The following TBC1D1 variants were observed in gnomAD, a reference collection of about 807,000 sequenced individuals.
TBC1D1 encodes TBC1 domain family member 1, also known as TBC1 (tre-2/USP6, BUB2, cdc16) domain family, member 1.
In TBC1D1, 89 loss-of-function variants were observed where a neutral mutation model predicts 125.6. The observed-to-expected ratio is 0.71, with a 90% CI of 0.60 to 0.85. The LOEUF (loss-of-function observed/expected upper bound fraction) is 0.85, where lower values mean the gene tolerates loss of function less well. Ranked by LOEUF, TBC1D1 falls within the 40% of genes least tolerant of loss-of-function variation. TBC1D1 has a pLI of 0.00. For synonymous variants in TBC1D1, 565 were observed against 564.1 expected, an observed-to-expected ratio of 1.00 and a Z score of -0.02; for missense variants, 1,377 against 1,469.2, an observed-to-expected ratio of 0.94 and a Z score of 1.03.
chr4:38,075,708 T>C (rs1755471120), intron 12 of TBC1D1, among the ~76,000 whole-genome samples: 1 of 152,130 alleles, frequency 6.6e-6, no homozygotes, highest in Admixed American at 6.5e-5. Flanking sequence ...CACAGATGCA[T>C]GAGAGGAGGG....
chr4:38,072,896 C>T (rs969799690), intron 12 of TBC1D1, among the ~76,000 whole-genome samples: 1 of 152,182 alleles, frequency 6.6e-6, no homozygotes, highest in Non-Finnish European at 1.5e-5. Context: ...GTTTATTTCG[C>T]TTAGCATAAT....
intron 2 of TBC1D1, among the ~76,000 whole-genome samples, chr4:37,903,024 C>T (rs59899255): frequency 0.015 from 2,235 of 152,294 alleles, 46 homozygotes; most frequent in African/African-American, 0.051. Context: ...TATAGTCATT[C>T]GTAAACTGTG....
intron 17 of TBC1D1, among the ~76,000 whole-genome samples, chr4:38,122,014 A>G (rs1171012019): frequency 6.6e-6 from 1 of 152,074 alleles, no homozygotes; most frequent in Non-Finnish European, 1.5e-5. Context: ...GTGCACCCAA[A>G]TGATCTCCCG....
intron 11 of TBC1D1, chr4:38,051,992 G>C (rs747482887): frequency 5.2e-6 from 8 of 1,550,860 alleles, no homozygotes; most frequent in Non-Finnish European, 7.0e-6. Flanking sequence ...CCGCCTCCTC[G>C]CCAAACTTTT....
chr4:37,934,407 T>G (rs1723944623), intron 2 of TBC1D1, among the ~76,000 whole-genome samples: 1 of 151,984 alleles, frequency 6.6e-6, no homozygotes, highest in Admixed American at 6.5e-5. Context: ...TAGCCAGAAA[T>G]GTATCCACGA....
intron 2 of TBC1D1, among the ~76,000 whole-genome samples, chr4:37,928,276 T>C (rs1171292391): frequency 6.6e-6 from 1 of 152,266 alleles, no homozygotes; most frequent in Non-Finnish European, 1.5e-5. Flanking sequence ...ATGCATTTTA[T>C]AATATGGTAT....
At chr4:38,030,880 C>A (rs1745988380) in intron 7 of TBC1D1, among the ~76,000 whole-genome samples, 1 of 151,892 alleles carries the variant, frequency 6.6e-6, no homozygotes, top group South Asian at 2.1e-4. Context: ...AATATTAAAT[C>A]AAAAAATGGA....
In TBC1D1 at chr4:37,995,317, T is replaced by A. The variant is rs143058672; in HGVS notation, c.418-19192T>A. Among the ~76,000 whole-genome samples, 1 of 152,248 alleles carries A rather than the reference T, an allele frequency of 6.6e-6. No individual in the cohort carries two copies. Among genetic ancestry groups the A allele is most frequent in the Admixed American group, 6.5e-5 (1 of 15,292 alleles). ...CTTCGTTGTCTGTGCAACTTCATAC[T>A]GTTTCATTCTTGTCCTGTATAGTAT... On this transcript the variant is annotated intron_variant, in intron 2 of 19. Coordinates refer to ENST00000261439, the MANE Select transcript of TBC1D1 (RefSeq NM_015173.4). The surrounding 1 kb of genome is among the most constrained non-coding windows in gnomAD (Gnocchi z 4.3).
intron 13 of TBC1D1, among the ~76,000 whole-genome samples, chr4:38,093,714 G>C (rs986648627): frequency 6.6e-6 from 1 of 152,022 alleles, no homozygotes; most frequent in African/African-American, 2.4e-5. Flanking sequence ...AGTAGTAGTA[G>C]TAGAGATGGG....
chr4:37,976,068 G>T (rs548948991), intron 2 of TBC1D1, among the ~76,000 whole-genome samples: 18 of 152,286 alleles, frequency 1.2e-4, no homozygotes, highest in Non-Finnish European at 2.9e-5. Flanking sequence ...AAAGTGTTGG[G>T]ATGTCACATC....
intron 2 of TBC1D1, among the ~76,000 whole-genome samples, chr4:37,954,015 T>C (rs1202639639): frequency 6.6e-6 from 1 of 152,206 alleles, no homozygotes. Flanking sequence ...AACTCTGGTC[T>C]AGAAAACAGA....
intron 17 of TBC1D1, chr4:38,120,055 G>A (rs1441930751): frequency 1.0e-6 from 1 of 985,420 alleles, no homozygotes; most frequent in Non-Finnish European, 1.2e-6. Flanking sequence ...GTAATTTGAA[G>A]CTCTCTGAAG....
chr4:38,043,317 G>C (rs114384373), intron 8 of TBC1D1, among the ~76,000 whole-genome samples: 23 of 151,982 alleles, frequency 1.5e-4, no homozygotes, highest in Non-Finnish European at 2.2e-4. Context: ...TGTACCTTCG[G>C]CTGGGTGTGG....
intron 2 of TBC1D1, among the ~76,000 whole-genome samples, chr4:37,951,550 T>C (rs1457643091): frequency 5.9e-5 from 9 of 152,328 alleles, no homozygotes; most frequent in Admixed American, 5.9e-4. Flanking sequence ...ATATCAGAAC[T>C]ACAGGCTCTT....
At chr4:37,936,703 T>C (rs1182029746) in intron 2 of TBC1D1, among the ~76,000 whole-genome samples, 1 of 152,152 alleles carries the variant, frequency 6.6e-6, no homozygotes, top group Non-Finnish European at 1.5e-5. Context: ...AACAGACTTC[T>C]GGAGAAAGAT....
intron 12 of TBC1D1, among the ~76,000 whole-genome samples, chr4:38,086,878 G>A (rs115363595): frequency 0.013 from 2,025 of 152,276 alleles, 45 homozygotes; most frequent in African/African-American, 0.046. Flanking sequence ...CCCCAGTGAG[G>A]CTTGTGCATG....
intron 1 of TBC1D1, among the ~76,000 whole-genome samples, chr4:37,895,412 C>CTTGAG (rs1445604406): frequency 6.6e-6 from 1 of 151,970 alleles, no homozygotes; most frequent in African/African-American, 2.4e-5. Flanking sequence ...AAGGACTAGC[C>CTTGAG]TTGAGTTGGC....
chr4:37,901,956 T>C lies in TBC1D1; in HGVS notation c.-93-47T>C, dbSNP rs1431767487. 7.4e-6 allele frequency: 6 copies of C among 810,968 alleles called. No individual in the cohort carries two copies. The South Asian group carries it at 7.8e-5, about 11-fold the overall frequency. 50.2% of individuals were successfully genotyped at this position (810,968 alleles called of 1,614,324 possible). A position where few individuals can be genotyped will look rare whatever the true frequency, so the allele number is the denominator to read the frequency against. On this transcript the variant is annotated intron_variant, in intron 1 of 19. Coordinates refer to ENST00000261439, the MANE Select transcript of TBC1D1 (RefSeq NM_015173.4). Reference sequence around the variant, plus strand: ...AATAATAGCCCTTTGAAGGTAGCTATTGCTATGACTTCATTAAATTCTAAT... The same window carrying C: ...AATAATAGCCCTTTGAAGGTAGCTACTGCTATGACTTCATTAAATTCTAAT...
chr4:38,072,085 T>C (rs954840114), intron 12 of TBC1D1, among the ~76,000 whole-genome samples: 2 of 152,192 alleles, frequency 1.3e-5, no homozygotes, highest in East Asian at 1.9e-4. Flanking sequence ...CTTTGTGAGA[T>C]AGGGCTAGCA....
Sources: allele counts gnomAD v4.1 joint callset (sites outside exome capture counted in the v4.1 genomes callset), GRCh38; gene constraint gnomAD v4.1.1; non-coding constraint Gnocchi (gnomAD v3.1); transcripts MANE v1.5; gene names NCBI Gene and HGNC (gene_info 2026-07-23, HGNC 2026-07-21).